The following LARGE1 variants were observed in gnomAD, a reference collection of about 807,000 sequenced individuals.
LARGE1 encodes the protein xylosyl- and glucuronyltransferase LARGE1.
A neutral mutation model predicts 87.6 loss-of-function variants in LARGE1; 43 were observed. The observed-to-expected ratio is 0.49, with a 90% CI of 0.38 to 0.63. The LOEUF is 0.63. Among genes scored for constraint, LARGE1 ranks in the 30% least tolerant of loss-of-function variants. The pLI is 0.00. For missense variants in LARGE1, 802 were observed against 1,000.2 expected, an observed-to-expected ratio of 0.80 and a Z score of 2.67; for synonymous variants, 434 against 394.6, an observed-to-expected ratio of 1.10 and a Z score of -1.18.
intron 4 of LARGE1, among the ~76,000 whole-genome samples, chr22:33,609,314 G>T (rs893803997): frequency 2.6e-5 from 4 of 152,196 alleles, no homozygotes; most frequent in Non-Finnish European, 5.9e-5. Context: ...CACTTCCCAG[G>T]GAGCCTTCCA....
chr22:33,409,992 G>A (rs1490198165), intron 7 of LARGE1, among the ~76,000 whole-genome samples: 1 of 152,100 alleles, frequency 6.6e-6, no homozygotes, highest in Non-Finnish European at 1.5e-5. Flanking sequence ...CAGGTACAGA[G>A]TGGCTACATT....
At chr22:33,089,321 TTTCTTC>T in the LARGE1 span, among the ~76,000 whole-genome samples, 2,372 of 86,990 alleles carry the variant, frequency 0.027, 33 homozygotes, top group Admixed American at 0.046. Flanking sequence ...TTCTTTCTTC[TTTCTTC>T]TTCTTCTTCT....
chr22:33,641,482 T>A (rs1287525390), intron 3 of LARGE1, among the ~76,000 whole-genome samples: 1 of 152,082 alleles, frequency 6.6e-6, no homozygotes, highest in South Asian at 2.1e-4. Context: ...CTCCCCCAAA[T>A]GATCGCAACT....
chr22:33,837,488 A>G (rs2063145036), intron 1 of LARGE1, among the ~76,000 whole-genome samples: 1 of 152,182 alleles, frequency 6.6e-6, no homozygotes, highest in South Asian at 2.1e-4. Context: ...TCAAGTGGAG[A>G]GAGACCAGGA....
At chr22:33,850,710 C>T (rs978610941) in intron 1 of LARGE1, among the ~76,000 whole-genome samples, 8 of 152,054 alleles carry the variant, frequency 5.3e-5, no homozygotes, top group Non-Finnish European at 1.2e-4. Context: ...CATTTAAATC[C>T]TTGAACAACC....
intron 3 of LARGE1, among the ~76,000 whole-genome samples, chr22:33,647,849 C>A (rs1451260529): frequency 1.3e-5 from 2 of 152,220 alleles, no homozygotes; most frequent in East Asian, 3.9e-4. Flanking sequence ...TCTCCACTTC[C>A]TGGGTTTAAA....
intron 1 of LARGE1, among the ~76,000 whole-genome samples, chr22:33,832,378 C>T (rs2062995602): frequency 6.6e-6 from 1 of 152,166 alleles, no homozygotes; most frequent in Admixed American, 6.5e-5. Context: ...AGGAACAGAA[C>T]TGAGAGGGAA....
At chr22:33,904,966 G>C (rs996667084) in intron 1 of LARGE1, among the ~76,000 whole-genome samples, 1 of 151,018 alleles carries the variant, frequency 6.6e-6, no homozygotes, top group Non-Finnish European at 1.5e-5. Flanking sequence ...GTGTATAAGG[G>C]TCTATGGCAG....
intron 3 of LARGE1, among the ~76,000 whole-genome samples, chr22:33,646,441 G>A (rs2080614847): frequency 6.6e-6 from 1 of 152,038 alleles, no homozygotes; most frequent in African/African-American, 2.4e-5. Context: ...GTTGAGGGGC[G>A]GGGCAAGGGG....
intron 1 of LARGE1, among the ~76,000 whole-genome samples, chr22:33,917,232 G>T (rs1177418643): frequency 6.6e-6 from 1 of 152,052 alleles, no homozygotes; most frequent in African/African-American, 2.4e-5. Context: ...GGCTCTTCTT[G>T]GCCTCTACCT....
chr22:33,663,643 G>A (rs899246051), intron 2 of LARGE1, among the ~76,000 whole-genome samples: 6 of 152,174 alleles, frequency 3.9e-5, no homozygotes, highest in African/African-American at 9.7e-5. Flanking sequence ...TGGGGATGAC[G>A]CGGCTGATTG....
intron 4 of LARGE1, among the ~76,000 whole-genome samples, chr22:33,609,755 T>C (rs1569310297): frequency 6.6e-6 from 1 of 152,068 alleles, no homozygotes; most frequent in African/African-American, 2.4e-5. Flanking sequence ...TGAGGCCTGA[T>C]GGTTAGTGTT....
the LARGE1 span, among the ~76,000 whole-genome samples, chr22:33,079,984 G>A: frequency 6.6e-6 from 1 of 152,178 alleles, no homozygotes; most frequent in Non-Finnish European, 1.5e-5. Flanking sequence ...TGTCCTCATT[G>A]CCTCCAGGTG....
intron 2 of LARGE1, among the ~76,000 whole-genome samples, chr22:33,718,072 T>A (rs2082965864): frequency 6.6e-6 from 1 of 152,250 alleles, no homozygotes; most frequent in African/African-American, 2.4e-5. Flanking sequence ...AGAGACAACC[T>A]TTCCATGTGG....
At chr22:33,178,078 T>C (rs1047137729) in intron 11 of LARGE1, among the ~76,000 whole-genome samples, 1 of 152,204 alleles carries the variant, frequency 6.6e-6, no homozygotes, top group South Asian at 2.1e-4. Context: ...CCTCTTTTGT[T>C]TGTAAATTAC....
Position 33,274,529 on chromosome 22 carries a change from G to T in LARGE1, c.2169C>A (p.Tyr723Ter). The T allele has an allele frequency of 6.2e-7, 1 of 1,614,194 alleles. No homozygotes were observed. Among genetic ancestry groups the T allele is most frequent in the Non-Finnish European group, 8.5e-7 (1 of 1,180,040 alleles). Residue 723 changes from tyrosine to a stop codon, truncating the protein, a stop_gained, in exon 15 of 15, where the codon TAC becomes TAA. Transcript: ENST00000397394. LOFTEE classifies it high-confidence loss of function. ...DITKFRSNKQ[Y>*]RICLKTLKEE... ...CCTTGAGGGTTTTGAGACAGATGCG[G>T]TATTGCTTGTTGGAACGGAACTTGG... is the stretch of plus-strand genomic sequence containing the variant.
intron 6 of LARGE1, among the ~76,000 whole-genome samples, chr22:33,560,685 G>A (rs187029207): frequency 2.0e-5 from 3 of 152,286 alleles, no homozygotes; most frequent in Non-Finnish European, 4.4e-5. Flanking sequence ...CGTTCTAAGT[G>A]CAGTACAGCC....
intron 6 of LARGE1, among the ~76,000 whole-genome samples, chr22:33,553,491 G>C (rs556581989): frequency 9.2e-5 from 14 of 152,174 alleles, no homozygotes; most frequent in African/African-American, 2.9e-4. Context: ...ACTCCAGCCT[G>C]GGTGACACAA....
chr22:33,722,297 G>A (rs1398295929), intron 2 of LARGE1, among the ~76,000 whole-genome samples: 2 of 142,598 alleles, frequency 1.4e-5, no homozygotes, highest in Admixed American at 1.4e-4. Context: ...AGAGGGAGAG[G>A]AGGGAGAGGG....
Sources: allele counts gnomAD v4.1 joint callset (sites outside exome capture counted in the v4.1 genomes callset), GRCh38; gene constraint gnomAD v4.1.1; transcripts MANE v1.5; gene names NCBI Gene and HGNC (gene_info 2026-07-23, HGNC 2026-07-21).